NRG3: variants seen among roughly 807,000 people sequenced by gnomAD.
NRG3 encodes pro-neuregulin-3, membrane-bound isoform.
A neutral mutation model predicts 66.9 loss-of-function variants in NRG3; 31 were observed. That is an observed-to-expected ratio of 0.46 (90% confidence interval 0.35 to 0.63). The LOEUF is 0.63. Ranked by LOEUF, NRG3 falls within the 20% of genes least tolerant of loss-of-function variation. The probability of loss-of-function intolerance (pLI) is 0.00; values close to 1 mark genes in which losing one functional copy is unlikely to be tolerated. For synonymous variants in NRG3, 393 were observed against 359.4 expected (o/e 1.09, Z -1.06); for missense variants, 910 against 878.9 (o/e 1.04, Z -0.45).
chr10:82,344,075 T>A lies in NRG3; in HGVS notation c.824-14664T>A, dbSNP rs149660116. 4.7e-3 allele frequency among the ~76,000 whole-genome samples: 706 copies of A among 151,600 alleles called. 5 individuals carry two copies. The highest frequency in any genetic ancestry group is 0.016 in the African/African-American group (676 of 41,244). On this transcript the variant is annotated intron_variant, in intron 1 of 8. Transcript: ENST00000372141. Reference sequence around the variant, plus strand: ...GCTTTTTTTTTCTTTCTTTTTTTTTTATTATACTTTAAGTTTTAGGGTACA... The same window carrying A: ...GCTTTTTTTTTCTTTCTTTTTTTTTAATTATACTTTAAGTTTTAGGGTACA...
intron 1 of NRG3, among the ~76,000 whole-genome samples, chr10:82,095,910 T>C (rs938736232): frequency 2.0e-5 from 3 of 152,166 alleles, no homozygotes; most frequent in African/African-American, 7.2e-5. Flanking sequence ...TCAAGAAATG[T>C]TCAGCCTTCA....
At chr10:82,049,896 A>T in intron 1 of NRG3, among the ~76,000 whole-genome samples, 1 of 152,052 alleles carries the variant, frequency 6.6e-6, no homozygotes, top group Non-Finnish European at 1.5e-5. Flanking sequence ...CATAGCCCCT[A>T]GGAATCTAAG....
At chr10:82,177,415 AC>A (rs1364865582) in intron 1 of NRG3, among the ~76,000 whole-genome samples, 12 of 152,178 alleles carry the variant, frequency 7.9e-5, no homozygotes, top group African/African-American at 2.9e-4. Flanking sequence ...TTGTAGATAA[AC>A]TTTTTAGATA....
chr10:82,568,720 A>G (rs1310863734), intron 2 of NRG3, among the ~76,000 whole-genome samples: 1 of 151,822 alleles, frequency 6.6e-6, no homozygotes, highest in Non-Finnish European at 1.5e-5. Flanking sequence ...TTCATTTCTC[A>G]GTTCAAATTA....
chr10:82,648,768 A>G (rs1205904872), intron 2 of NRG3, among the ~76,000 whole-genome samples: 1 of 152,134 alleles, frequency 6.6e-6, no homozygotes, highest in African/African-American at 2.4e-5. Context: ...CTTTGAAGCA[A>G]TTGTGAATGG....
chr10:82,853,352 A>G (rs1311472725), intron 3 of NRG3, among the ~76,000 whole-genome samples: 1 of 152,014 alleles, frequency 6.6e-6, no homozygotes, highest in East Asian at 1.9e-4. Flanking sequence ...TTGTGATGGG[A>G]ATTGCATTGA....
At chr10:82,754,526 AAG>A (rs1050753157) in intron 3 of NRG3, among the ~76,000 whole-genome samples, 3 of 148,156 alleles carry the variant, frequency 2.0e-5, no homozygotes, top group Non-Finnish European at 2.9e-5. Flanking sequence ...ATAACAGAGA[AAG>A]GGGGGAAAAG....
intron 1 of NRG3, among the ~76,000 whole-genome samples, chr10:82,213,881 C>G (rs981810183): frequency 6.6e-6 from 1 of 152,026 alleles, no homozygotes; most frequent in African/African-American, 2.4e-5. Context: ...TAAGTAGCAC[C>G]AGAGTCGGCT....
At chr10:82,147,632 G>A (rs774948444) in intron 1 of NRG3, among the ~76,000 whole-genome samples, 4 of 152,220 alleles carry the variant, frequency 2.6e-5, no homozygotes, top group African/African-American at 4.8e-5. Context: ...ATGTGCCTGC[G>A]TTAGCCAGCC....
At chr10:82,449,374 G>T (rs2090906918) in intron 2 of NRG3, among the ~76,000 whole-genome samples, 1 of 152,186 alleles carries the variant, frequency 6.6e-6, no homozygotes. Context: ...CAGGTTTTTT[G>T]TTATCCTTGC....
chr10:82,525,207 G>A (rs1170143576), intron 2 of NRG3, among the ~76,000 whole-genome samples: 1 of 151,684 alleles, frequency 6.6e-6, no homozygotes, highest in Non-Finnish European at 1.5e-5. Context: ...AGAGAGAGAG[G>A]TACCTAAAAA....
chr10:81,940,229 A>T (rs369394707), intron 1 of NRG3, among the ~76,000 whole-genome samples: 5 of 152,246 alleles, frequency 3.3e-5, no homozygotes, highest in African/African-American at 1.2e-4. Flanking sequence ...CTTGAGAAGA[A>T]TGTGTATTCT....
chr10:82,599,541 G>A (rs1590824018), intron 2 of NRG3, among the ~76,000 whole-genome samples: 1 of 152,156 alleles, frequency 6.6e-6, no homozygotes, highest in Non-Finnish European at 1.5e-5. Flanking sequence ...CAGGCCGGGC[G>A]CCGGGGCTCA....
chr10:82,819,198 A>C (rs752885604), intron 3 of NRG3, among the ~76,000 whole-genome samples: 1 of 152,234 alleles, frequency 6.6e-6, no homozygotes, highest in South Asian at 2.1e-4. Flanking sequence ...TAGGTTAGCT[A>C]TTGTTCTCTC....
At chr10:82,244,747 G>A (rs1211619585) in intron 1 of NRG3, among the ~76,000 whole-genome samples, 1 of 151,984 alleles carries the variant, frequency 6.6e-6, no homozygotes, top group Non-Finnish European at 1.5e-5. Flanking sequence ...TTGACTGATT[G>A]ATTGGAGACA....
At chr10:82,397,338 A>T (rs1397873133) in intron 2 of NRG3, among the ~76,000 whole-genome samples, 1 of 152,188 alleles carries the variant, frequency 6.6e-6, no homozygotes, top group Non-Finnish European at 1.5e-5. Flanking sequence ...AATTATGTGG[A>T]TAATCTTGAA....
intron 1 of NRG3, among the ~76,000 whole-genome samples, chr10:81,987,821 A>C (rs776095576): frequency 5.9e-5 from 9 of 152,320 alleles, no homozygotes; most frequent in South Asian, 4.1e-4. Context: ...TGGGGAAAGT[A>C]AGTGAAAAAT....
intron 2 of NRG3, among the ~76,000 whole-genome samples, chr10:82,485,140 T>G (rs1266680865): frequency 6.6e-6 from 1 of 152,130 alleles, no homozygotes; most frequent in Admixed American, 6.6e-5. Flanking sequence ...ACTGTGATAC[T>G]TGTTCATTAC....
chr10:82,746,270 G>T (rs765297219), intron 3 of NRG3, among the ~76,000 whole-genome samples: 1 of 152,132 alleles, frequency 6.6e-6, no homozygotes, highest in Non-Finnish European at 1.5e-5. Flanking sequence ...GCCTCTCTCA[G>T]CTAGAGTGTT....
Sources: allele counts gnomAD v4.1 joint callset (sites outside exome capture counted in the v4.1 genomes callset), GRCh38; gene constraint gnomAD v4.1.1; transcripts MANE v1.5; gene names NCBI Gene and HGNC (gene_info 2026-07-23, HGNC 2026-07-21).